Variants in DUSP18 observed in about 807,000 individuals in gnomAD.
The protein encoded by DUSP18 is dual specificity phosphatase 18, also known as dual specificity protein phosphatase 18.
Under a neutral mutation model 6.3 loss-of-function variants are expected in DUSP18, and 4 were observed. The ratio of observed to expected loss-of-function variants is 0.63; its 90% CI spans 0.31 to 1.45. The LOEUF is 1.45. DUSP18 is among the 40% of genes most tolerant of loss of function. DUSP18 has a pLI of 0.07. For missense variants in DUSP18, 235 were observed against 247.7 expected (o/e 0.95, Z 0.34); for synonymous variants, 96 against 95.1 (o/e 1.01, Z -0.05).
intron 1 of DUSP18, 63 bp from the exon 2 acceptor site, chr22:30,664,143 T>G: frequency 4.1e-6 from 3 of 732,052 alleles, no homozygotes; most frequent in Non-Finnish European, 6.8e-6. Context: ...AGGGGATCCC[T>G]GGGAAATGGA....
At chr22:30,665,631 T>C (rs2088622308) in intron 1 of DUSP18, 12 of 451,722 alleles carry the variant, frequency 2.7e-5, no homozygotes, top group South Asian at 1.9e-4. Context: ...CTCCAGGCTT[T>C]CTTAGCCCTA....
chr22:30,660,715 C>T (rs545626040), downstream of DUSP18, among the ~76,000 whole-genome samples: 3 of 152,040 alleles, frequency 2.0e-5, no homozygotes, highest in East Asian at 5.8e-4. Flanking sequence ...CTGATGAGAA[C>T]CAAAGACAAG....
At chr22:30,666,060 G>C (rs2088644265) in intron 1 of DUSP18, among the ~76,000 whole-genome samples, 1 of 152,180 alleles carries the variant, frequency 6.6e-6, no homozygotes, top group Non-Finnish European at 1.5e-5. Flanking sequence ...AGGACAGAGA[G>C]GGCTGGCTTG....
chr22:30,665,451 C>A (rs749927674), intron 1 of DUSP18: 2 of 461,272 alleles, frequency 4.3e-6, no homozygotes, highest in South Asian at 3.2e-5. Context: ...GTGGCCTTTG[C>A]CCCTGCTGAT....
At position 30,663,687 on chromosome 22, in the gene DUSP18, G is replaced by C; in HGVS notation, c.317C>G (p.Ala106Gly). The change falls in exon 2 of 2, where the codon GCT becomes GGT. Residue 106 changes from alanine (A) to glycine (G), a missense_variant. Transcript: ENST00000334679. ...CAGGGCAGCTGAGCGGCTCACACCA[G>C]CAGCACAGTGCAGCAAAGTACGGCC... is the stretch of plus-strand genomic sequence containing the variant. ...KQGRTLLHCA[A>G]GVSRSAALCL... 6.2e-7 allele frequency: 1 copy of C among 1,614,202 alleles called. No individual in the cohort carries two copies. Among genetic ancestry groups the C allele is most frequent in the South Asian group, 1.1e-5 (1 of 91,088 alleles).
downstream of DUSP18, among the ~76,000 whole-genome samples, chr22:30,657,306 C>CAA (rs1555900141): frequency 0.026 from 2,966 of 112,448 alleles, 87 homozygotes; most frequent in African/African-American, 0.15. Flanking sequence ...CACACACACA[C>CAA]AAATTAGCCG....
At chr22:30,654,471 C>T (rs1299073520) in intron 2 of DUSP18, 6 of 433,276 alleles carry the variant, frequency 1.4e-5, no homozygotes, top group East Asian at 7.1e-5. Context: ...CCTGCTTTTT[C>T]GTCATAGGGT....
Position 30,663,937 on chromosome 22 carries a change from T to C in DUSP18, c.67A>G (p.Ile23Val), listed in dbSNP as rs756858917. ...RQPSVSGLSQ[I>V]TKSLYISNGV... ...TTGCTGATATACAGGCTTTTGGTTA[T>C]CTGCGAGAGGCCGCTGACTGAGGGC... The change falls in exon 2 of 2, where the codon ATA (isoleucine) becomes GTA (valine). Residue 23 changes from isoleucine (I) to valine (V), a missense_variant. By Grantham distance (29) the Ile-to-Val change is conservative. Transcript: ENST00000334679. 3.7e-6 allele frequency: 6 copies of C among 1,614,178 alleles called. No homozygotes were observed. The Admixed American group carries it at 1.0e-4, about 27-fold the overall frequency.
intron 2 of DUSP18, among the ~76,000 whole-genome samples, chr22:30,655,429 CAAA>C (rs5844917): frequency 2.7e-5 from 3 of 111,674 alleles, no homozygotes; most frequent in Non-Finnish European, 1.8e-5. Context: ...GAGATCCTAC[CAAA>C]AAAAAAAAAA....
downstream of DUSP18, among the ~76,000 whole-genome samples, chr22:30,658,087 C>G (rs2088381835): frequency 6.6e-6 from 1 of 151,088 alleles, no homozygotes; most frequent in Non-Finnish European, 1.5e-5. Context: ...GCCTGGGCAA[C>G]AGAATAAGAC....
intron 2 of DUSP18, among the ~76,000 whole-genome samples, chr22:30,652,745 G>A (rs998094861): frequency 2.6e-5 from 4 of 152,240 alleles, no homozygotes; most frequent in Admixed American, 6.5e-5. Context: ...ACACATAGTA[G>A]TTGGTGTCCA....
chr22:30,652,297 G>C (rs982443904), exon 3 of DUSP18: 1 of 152,208 alleles, frequency 6.6e-6, no homozygotes, highest in Non-Finnish European at 1.5e-5. Context: ...AAGGGCAGGG[G>C]CTGCAAAATA....
At chr22:30,666,955 T>TA (rs764423404) in intron 1 of DUSP18, 17 of 152,024 alleles carry the variant, frequency 1.1e-4, no homozygotes, top group African/African-American at 1.9e-4. Flanking sequence ...AAGGGAAGTG[T>TA]AAAAAAGATT....
chr22:30,656,641 A>AC (rs1436346089), downstream of DUSP18, among the ~76,000 whole-genome samples: 1 of 152,080 alleles, frequency 6.6e-6, no homozygotes, highest in Non-Finnish European at 1.5e-5. Context: ...CCTCAACATG[A>AC]CCTTCTTCCT....
At position 30,663,956 on chromosome 22, in the gene DUSP18, T is replaced by C; in HGVS notation, c.48A>G (p.Ser16=). ...CAFPVQFRQP[S]VSGLSQITKS... ...TGGTTATCTGCGAGAGGCCGCTGACTGAGGGCTGCCGGAACTGAACTGGGA... is the reference window on the plus strand; with the variant it reads ...TGGTTATCTGCGAGAGGCCGCTGACCGAGGGCTGCCGGAACTGAACTGGGA... Residue 16 remains serine, a synonymous_variant, in exon 2 of 2, where the codon TCA becomes TCG. Transcript: ENST00000334679. 1.2e-6 allele frequency: 2 copies of C among 1,614,166 alleles called. No individual in the cohort carries two copies. Among genetic ancestry groups the C allele is most frequent in the Non-Finnish European group, 1.7e-6 (2 of 1,180,002 alleles).
downstream of DUSP18, among the ~76,000 whole-genome samples, chr22:30,656,597 C>T (rs1304360491): frequency 6.6e-6 from 1 of 152,220 alleles, no homozygotes; most frequent in Non-Finnish European, 1.5e-5. Context: ...TATGGGACCA[C>T]TTCTTTCTCC....
chr22:30,664,115 G>A (rs1205124085), intron 1 of DUSP18, 35 bp from the exon 2 acceptor site: 1 of 977,608 alleles, frequency 1.0e-6, no homozygotes, highest in Admixed American at 2.5e-5. Flanking sequence ...GAGGGCAGGT[G>A]CCCAGAGGGC....
chr22:30,657,940 AATAATAATAAT>A (rs2145598463), downstream of DUSP18, among the ~76,000 whole-genome samples: 1 of 144,534 alleles, frequency 6.9e-6, no homozygotes, highest in Admixed American at 7.1e-5. Context: ...TAATAATAAT[AATAATAATAAT>A]AATGATTAGC....
chr22:30,663,628 A>G lies in DUSP18; in HGVS notation c.376T>C (p.Ser126Pro). The G allele has an allele frequency of 6.2e-7, 1 of 1,614,210 alleles. No individual in the cohort carries two copies. Among genetic ancestry groups the G allele is most frequent in the South Asian group, 1.1e-5 (1 of 91,078 alleles). ...LAYLMKYHAM[S>P]LLDAHTWTKS... ...GTCCACGTGTGGGCGTCCAGCAGGG[A>G]CATGGCGTGGTACTTCATGAGGTAG... The change falls in exon 2 of 2, where the codon TCC becomes CCC. Residue 126 changes from serine (S) to proline (P), a missense_variant. Transcript: ENST00000334679.
Sources: allele counts gnomAD v4.1 joint callset (sites outside exome capture counted in the v4.1 genomes callset), GRCh38; gene constraint gnomAD v4.1.1; transcripts MANE v1.5; gene names NCBI Gene and HGNC (gene_info 2026-07-23, HGNC 2026-07-21).